Variants in RBM25 observed in about 807,000 individuals in gnomAD.
RBM25 encodes the protein RNA-binding protein 25.
RBM25 carries 19 observed loss-of-function variants against 120.7 expected under a neutral mutation model. That is an observed-to-expected ratio of 0.16 (90% confidence interval 0.11 to 0.23). RBM25 has a LOEUF of 0.23. RBM25 is among the 10% of genes least tolerant of loss of function. The pLI is 1.00. For synonymous variants in RBM25, 390 were observed against 326.7 expected (o/e 1.19, Z -2.09); for missense variants, 605 against 1,041.5 (o/e 0.58, Z 5.77).
At chr14:73,101,028 G>T (rs1453598381) in intron 9 of RBM25, 1 of 152,056 alleles carries the variant, frequency 6.6e-6, no homozygotes, top group South Asian at 2.1e-4. Flanking sequence ...AAATTATGAG[G>T]AAATCATGTT....
intron 13 of RBM25, 151 bp from the exon 14 acceptor site, chr14:73,109,191 T>C: frequency 5.5e-6 from 4 of 730,866 alleles, no homozygotes; most frequent in Non-Finnish European, 9.2e-6. Flanking sequence ...GAGCACACTC[T>C]GGTGTGTTCC....
At chr14:73,074,365 G>A (rs968335213) in intron 2 of RBM25, among the ~76,000 whole-genome samples, 2 of 152,068 alleles carry the variant, frequency 1.3e-5, no homozygotes, top group Admixed American at 1.3e-4. Flanking sequence ...GACTATAGAT[G>A]TGTGCCACCA....
In RBM25 at chr14:73,097,222, A is replaced by T. The variant is rs192482202; in HGVS notation, c.729+122A>T. On this transcript the variant is annotated intron_variant, in intron 7 of 18. Transcript: ENST00000261973. ...TTTTTTTTTTTTTTTTTTTTTTGAG[A>T]TGGAGGCTCACTTTGTCTCCCAGGC... 3.1e-3 allele frequency: 728 copies of T among 237,980 alleles called. 5 individuals carry two copies. The highest frequency in any genetic ancestry group is 3.4e-3 in the Non-Finnish European group (597 of 174,934). 14.7% of individuals were successfully genotyped at this position (237,980 alleles called of 1,614,324 possible).
intron 5 of RBM25, among the ~76,000 whole-genome samples, chr14:73,086,168 A>G (rs1484677114): frequency 1.3e-5 from 2 of 151,566 alleles, no homozygotes; most frequent in African/African-American, 2.4e-5. Flanking sequence ...GTGGTTTGGG[A>G]TGGGTGTGGT....
At chr14:73,068,497 G>T (rs140454032) in intron 1 of RBM25, 8 of 890,658 alleles carry the variant, frequency 9.0e-6, no homozygotes, top group Non-Finnish European at 1.4e-5. Context: ...TCAGTGTGCC[G>T]CATGTTGTAT....
intron 4 of RBM25, among the ~76,000 whole-genome samples, chr14:73,078,779 G>GT (rs1037221344): frequency 2.0e-4 from 31 of 152,024 alleles, no homozygotes; most frequent in African/African-American, 6.8e-4. Context: ...TCATTTTTGT[G>GT]TTTTTTTAGA....
In RBM25 at chr14:73,111,172, T is replaced by C. The variant is rs780851528; in HGVS notation, c.2017+17T>C. 6.4e-7 allele frequency: 1 copy of C among 1,569,688 alleles called. No individual in the cohort carries two copies. Among genetic ancestry groups the C allele is most frequent in the Admixed American group, 1.7e-5 (1 of 58,328 alleles). On this transcript the variant is annotated intron_variant, in intron 15 of 18. Transcript: ENST00000261973. ...TTAAACTGGGTACGTTAGCATTTCC[T>C]TCCTTCTTTATTTTCTTCCCTTCAC...
chr14:73,110,492 C>T (rs1229878027), intron 14 of RBM25, among the ~76,000 whole-genome samples: 3 of 150,342 alleles, frequency 2.0e-5, no homozygotes, highest in Non-Finnish European at 4.4e-5. Context: ...TAGTGCGATT[C>T]TGCAAGGCTC....
chr14:73,092,993 G>C (rs915667810), intron 6 of RBM25, among the ~76,000 whole-genome samples: 5 of 152,026 alleles, frequency 3.3e-5, no homozygotes, highest in East Asian at 1.9e-4. Flanking sequence ...ATTTCTTATT[G>C]ACCTCTAGTA....
intron 1 of RBM25, among the ~76,000 whole-genome samples, chr14:73,062,335 G>A (rs1895023249): frequency 6.6e-6 from 1 of 150,890 alleles, no homozygotes; most frequent in Admixed American, 6.6e-5. Flanking sequence ...AATAATTCCT[G>A]CAGACCTGAC....
chr14:73,108,382 A>G (rs1594932545), intron 13 of RBM25, among the ~76,000 whole-genome samples: 1 of 152,294 alleles, frequency 6.6e-6, no homozygotes, highest in Middle Eastern at 3.4e-3. Flanking sequence ...AGTTACAACG[A>G]ATCTCTGTAA....
rs536192517 is a variant in RBM25 at position 73,064,520 on chromosome 14, G to A, written c.-16+5815G>A. On this transcript the variant is annotated intron_variant, in intron 1 of 18. Transcript: ENST00000261973. ...AGCAATTCTCCTGCCTCAGTCTCCC[G>A]AGTAGCTGGGACTACGGGCGCCTAC... Among the ~76,000 whole-genome samples, 20 of 150,778 alleles carry A rather than the reference G, an allele frequency of 1.3e-4. 1 individual carries two copies. The highest frequency in any genetic ancestry group is 4.2e-4 in the South Asian group (2 of 4,792).
chr14:73,083,378 G>A (rs1159848389), intron 4 of RBM25, 116 bp from the exon 5 acceptor site: 2 of 778,050 alleles, frequency 2.6e-6, no homozygotes, highest in African/African-American at 3.7e-5. Context: ...AAATGTAGTT[G>A]CTGGTTTTTT....
intron 2 of RBM25, among the ~76,000 whole-genome samples, chr14:73,073,409 C>T (rs996906723): frequency 5.3e-5 from 8 of 152,090 alleles, no homozygotes; most frequent in Non-Finnish European, 8.8e-5. Context: ...AAAATCAGGC[C>T]GGGCACAGTG....
intron 4 of RBM25, among the ~76,000 whole-genome samples, chr14:73,079,808 A>C (rs1260006770): frequency 6.6e-6 from 1 of 150,474 alleles, no homozygotes; most frequent in African/African-American, 2.4e-5. Flanking sequence ...GTTTTCTTCT[A>C]TTACTTCCAT....
intron 7 of RBM25, among the ~76,000 whole-genome samples, chr14:73,098,584 C>T (rs912632424): frequency 3.3e-5 from 5 of 152,146 alleles, no homozygotes; most frequent in Admixed American, 6.6e-5. Flanking sequence ...CAGATACATA[C>T]ATTTTTATTA....
intron 7 of RBM25, 149 bp from the exon 8 acceptor site, chr14:73,099,231 C>G: frequency 1.5e-6 from 1 of 683,596 alleles, no homozygotes; most frequent in Non-Finnish European, 2.3e-6. Context: ...AGTGAAATCA[C>G]TTCTATTCCC....
At chr14:73,111,318 T>C in intron 15 of RBM25, 163 bp downstream of exon 15, 1 of 824,076 alleles carries the variant, frequency 1.2e-6, no homozygotes, top group Non-Finnish European at 1.8e-6. Flanking sequence ...GTTTTACTAG[T>C]GCTCCTATAT....
rs749292782 is a variant in RBM25 at position 73,096,999 on chromosome 14, G to T, written c.628G>T (p.Ala210Ser). 1 of 1,613,614 alleles carries T rather than the reference G, an allele frequency of 6.2e-7. No homozygotes were observed. Among genetic ancestry groups the T allele is most frequent in the Admixed American group, 1.7e-5 (1 of 59,948 alleles). Residue 210 changes from alanine (A) to serine (S), a missense_variant, in exon 7 of 19, where the codon GCT becomes TCT. Coordinates refer to ENST00000261973, the MANE Select transcript of RBM25 (RefSeq NM_021239.3). ...GAGGAGAGATCAGATGATTAAAGGG[G>T]CTATTGAAGTTTTAATTCGTGAATA... ...TKRRDQMIKG[A>S]IEVLIREYSS...
Sources: gnomAD v4.1 joint callset for allele counts (sites outside exome capture counted in the v4.1 genomes callset) on GRCh38, gnomAD v4.1.1 for gene constraint, MANE v1.5 for transcripts, NCBI Gene and HGNC (gene_info 2026-07-23, HGNC 2026-07-21) for gene names.